LRRTM4: variants seen among roughly 807,000 people sequenced by gnomAD.
The protein encoded by LRRTM4 is leucine-rich repeat transmembrane neuronal protein 4.
Under a neutral mutation model 47.6 loss-of-function variants are expected in LRRTM4, and 25 were observed. The ratio of observed to expected loss-of-function variants is 0.53; its 90% CI spans 0.38 to 0.73. The LOEUF (loss-of-function observed/expected upper bound fraction) is 0.73. Ranked by LOEUF, LRRTM4 falls within the 30% of genes least tolerant of loss-of-function variation. LRRTM4 has a pLI of 0.00. For missense variants in LRRTM4, 638 were observed against 713.4 expected (o/e 0.89, Z 1.20); for synonymous variants, 311 against 269.5 (o/e 1.15, Z -1.51).
chr2:77,368,973 A>C (rs1573321761), intron 3 of LRRTM4, among the ~76,000 whole-genome samples: 1 of 151,788 alleles, frequency 6.6e-6, no homozygotes, highest in East Asian at 1.9e-4. Flanking sequence ...GTGAACAAAT[A>C]TTCTCTTTTC....
At chr2:76,893,219 C>T (rs1017839284) in intron 3 of LRRTM4, among the ~76,000 whole-genome samples, 1 of 151,636 alleles carries the variant, frequency 6.6e-6, no homozygotes, top group Non-Finnish European at 1.5e-5. Flanking sequence ...AAGATGCTCA[C>T]ACTTGATCTT....
chr2:77,201,759 G>T (rs906651409), intron 3 of LRRTM4, among the ~76,000 whole-genome samples: 22 of 151,986 alleles, frequency 1.4e-4, no homozygotes, highest in African/African-American at 5.1e-4. Flanking sequence ...ACAGCTTGCT[G>T]GGATTTTTAT....
chr2:77,175,207 T>G (rs891151925), intron 3 of LRRTM4, among the ~76,000 whole-genome samples: 12 of 151,794 alleles, frequency 7.9e-5, no homozygotes, highest in Non-Finnish European at 8.8e-5. Flanking sequence ...ATAGCTAGGA[T>G]TACAGGTGTG....
At chr2:77,489,415 T>C (rs907349582) in intron 3 of LRRTM4, among the ~76,000 whole-genome samples, 1 of 152,196 alleles carries the variant, frequency 6.6e-6, no homozygotes, top group East Asian at 1.9e-4. Flanking sequence ...CAATTTCTAA[T>C]ATAGACTCTG....
At chr2:76,778,511 T>G (rs369838034) in intron 3 of LRRTM4, among the ~76,000 whole-genome samples, 19 of 148,428 alleles carry the variant, frequency 1.3e-4, no homozygotes, top group African/African-American at 3.4e-4. Flanking sequence ...GTCGAGGAAT[T>G]TATCCATTTC....
At chr2:77,450,248 C>T (rs1009593235) in intron 3 of LRRTM4, among the ~76,000 whole-genome samples, 3 of 151,514 alleles carry the variant, frequency 2.0e-5, no homozygotes, top group Non-Finnish European at 2.9e-5. Context: ...TAAAACTCTC[C>T]TCTTTCTCTC....
At chr2:76,879,878 G>A (rs549470647) in intron 3 of LRRTM4, among the ~76,000 whole-genome samples, 1 of 152,284 alleles carries the variant, frequency 6.6e-6, no homozygotes, top group South Asian at 2.1e-4. Context: ...GTGACTTTGA[G>A]GGGTTCATCA....
intron 3 of LRRTM4, among the ~76,000 whole-genome samples, chr2:76,915,354 A>C (rs1274425919): frequency 6.6e-6 from 1 of 152,200 alleles, no homozygotes; most frequent in African/African-American, 2.4e-5. Context: ...CTTGAGGGTC[A>C]TTCTGGGTAA....
At chr2:77,521,320 A>G (rs530732031) in intron 2 of LRRTM4, among the ~76,000 whole-genome samples, 3 of 152,146 alleles carry the variant, frequency 2.0e-5, no homozygotes, top group Admixed American at 2.0e-4. Flanking sequence ...CCTGACAGCT[A>G]CCAGAAACAC....
intron 3 of LRRTM4, among the ~76,000 whole-genome samples, chr2:77,308,117 T>C (rs1275665006): frequency 6.9e-6 from 1 of 144,778 alleles, no homozygotes. Context: ...TATATATTAT[T>C]TATATATAAT....
intron 3 of LRRTM4, among the ~76,000 whole-genome samples, chr2:76,786,355 C>G (rs754537849): frequency 5.3e-5 from 8 of 151,664 alleles, no homozygotes; most frequent in Non-Finnish European, 8.8e-5. Flanking sequence ...AAATAAAAAA[C>G]CCACAAATGA....
chr2:77,426,813 A>G (rs1427213993), intron 3 of LRRTM4, among the ~76,000 whole-genome samples: 1 of 141,644 alleles, frequency 7.1e-6, no homozygotes, highest in Non-Finnish European at 1.5e-5. Context: ...ATGCACACAC[A>G]CACACACACA....
intron 3 of LRRTM4, among the ~76,000 whole-genome samples, chr2:77,250,911 C>T (rs920452666): frequency 1.3e-5 from 2 of 152,020 alleles, no homozygotes; most frequent in African/African-American, 4.8e-5. Flanking sequence ...CGAGACCAGT[C>T]TGACCAACAT....
At chr2:77,465,082 T>C (rs1476166304) in intron 3 of LRRTM4, among the ~76,000 whole-genome samples, 2 of 152,134 alleles carry the variant, frequency 1.3e-5, no homozygotes, top group Non-Finnish European at 2.9e-5. Flanking sequence ...GAGGCTCAAA[T>C]CCTTAATTTT....
At chr2:76,890,141 C>A (rs1164645821) in intron 3 of LRRTM4, among the ~76,000 whole-genome samples, 3 of 151,986 alleles carry the variant, frequency 2.0e-5, no homozygotes, top group Admixed American at 2.0e-4. Context: ...AGTTGGATTT[C>A]ATCACCCATG....
intron 3 of LRRTM4, chr2:76,987,620 A>T (rs963654742): frequency 1.3e-4 from 19 of 151,952 alleles, no homozygotes; most frequent in African/African-American, 4.1e-4. Flanking sequence ...ATATTGTAAA[A>T]TATATTCATC....
intron 3 of LRRTM4, among the ~76,000 whole-genome samples, chr2:77,454,214 G>A (rs754737631): frequency 1.1e-4 from 16 of 152,040 alleles, no homozygotes; most frequent in Non-Finnish European, 2.4e-4. Context: ...ACTTTTTAAC[G>A]TAAAACCTGT....
chr2:77,044,886 T>TGTAGAC (rs1558546619), intron 3 of LRRTM4, among the ~76,000 whole-genome samples: 1 of 151,624 alleles, frequency 6.6e-6, no homozygotes, highest in African/African-American at 2.4e-5. Context: ...TGTATACATA[T>TGTAGAC]ACATATATAT....
At chr2:77,067,574 T>G (rs1679997560) in intron 3 of LRRTM4, among the ~76,000 whole-genome samples, 1 of 151,764 alleles carries the variant, frequency 6.6e-6, no homozygotes, top group African/African-American at 2.4e-5. Context: ...AGATCAATGA[T>G]TTAGAAAGTT....
Sources: gnomAD v4.1 joint callset for allele counts (sites outside exome capture counted in the v4.1 genomes callset) on GRCh38, gnomAD v4.1.1 for gene constraint, MANE v1.5 for transcripts, NCBI Gene and HGNC (gene_info 2026-07-23, HGNC 2026-07-21) for gene names.